The following CILK1 variants were observed in gnomAD, a reference collection of about 807,000 sequenced individuals.
CILK1 encodes serine/threonine-protein kinase ICK.
In CILK1, 47 loss-of-function variants were observed where a neutral mutation model predicts 79.2. That is an observed-to-expected ratio of 0.59 (90% CI 0.47 to 0.76). The LOEUF is 0.76. Among genes scored for constraint, CILK1 ranks in the 30% least tolerant of loss-of-function variants. CILK1 has a pLI of 0.00. For missense variants in CILK1, 660 were observed against 769.5 expected, an observed-to-expected ratio of 0.86 and a Z score of 1.68; for synonymous variants, 266 against 275.9, an observed-to-expected ratio of 0.96 and a Z score of 0.36.
At chr6:53,032,240 C>T (rs1045931681) in intron 4 of CILK1, among the ~76,000 whole-genome samples, 7 of 152,096 alleles carry the variant, frequency 4.6e-5, no homozygotes, top group Non-Finnish European at 1.0e-4. Flanking sequence ...ACCTAACTGG[C>T]AGCTTTCAAC....
At chr6:53,049,169 C>G (rs1767308023) in intron 1 of CILK1, among the ~76,000 whole-genome samples, 1 of 152,332 alleles carries the variant, frequency 6.6e-6, no homozygotes, top group Admixed American at 6.5e-5. Flanking sequence ...AATTGAAGGT[C>G]TCTGTTGAAG....
intron 5 of CILK1, among the ~76,000 whole-genome samples, chr6:53,022,545 G>A (rs1765312573): frequency 6.6e-6 from 1 of 152,104 alleles, no homozygotes; most frequent in Non-Finnish European, 1.5e-5. Flanking sequence ...CTAAGTAAGT[G>A]TACTCTATGA....
chr6:53,006,944 T>A (rs898352509), intron 12 of CILK1, among the ~76,000 whole-genome samples: 6 of 152,284 alleles, frequency 3.9e-5, no homozygotes, highest in African/African-American at 1.4e-4. Flanking sequence ...ATCAGAAAAA[T>A]TAACCATTTT....
rs138942257 is a variant in CILK1, at chr6:53,005,266, C to T, written c.1782G>A (p.Gly594=). 5.6e-5 allele frequency: 91 copies of T among 1,614,026 alleles called. No homozygotes were observed. Among genetic ancestry groups the T allele is most frequent in the Non-Finnish European group, 7.3e-5 (86 of 1,180,042 alleles). The part of the protein sequence containing the change: ...SSLKAMRPHP[G]RPFFHTQPRS... ...TAGGCTGGGTGTGGAAGAATGGTCG[C>T]CCAGGATGAGGTCTCATGGCCTTCA... The change falls in exon 14 of 14, where the codon GGG becomes GGA. Residue 594 remains glycine, a synonymous_variant. Coordinates refer to ENST00000676107, the MANE Select transcript of CILK1 (RefSeq NM_014920.5).
chr6:53,018,340 G>A lies in CILK1; in HGVS notation c.653C>T (p.Thr218Ile), dbSNP rs774694542. The A allele has an allele frequency of 1.3e-5, 21 of 1,613,916 alleles. 1 individual carries two copies. The highest frequency in any genetic ancestry group is 1.7e-5 in the Non-Finnish European group (20 of 1,179,980). ...GTTTTGTATCATTACCTTTTTTGGT[G>A]TCCCCAGCACTTGGCAAATTTTGAA... Reference protein sequence around the residue: ...TIFKICQVLGTPKKTDWPEGY... With the variant: ...TIFKICQVLGIPKKTDWPEGY... Residue 218 changes from threonine (T) to isoleucine (I), a missense_variant, in exon 7 of 14, where the codon ACA becomes ATA. Physicochemically the swap from Thr to Ile is moderately conservative, Grantham distance 89. Transcript: ENST00000676107.
Position 53,009,489 on chromosome 6 carries a change from A to T in CILK1, c.1571T>A (p.Leu524Ter). ...CATTGTCCCTGAAGATTTTCCAGAC[A>T]AGCCAGAACTAGACCATGGATTAGG... ...IPPNPWSSSG[L>*]SGKSSGTMSV... is the part of the protein sequence containing the mutation. Residue 524 changes from leucine to a stop codon, truncating the protein, a stop_gained, in exon 12 of 14, where the codon TTG becomes TAG. Transcript: ENST00000676107. LOFTEE classifies it high-confidence loss of function. 1 of 1,613,770 alleles carries T rather than the reference A, an allele frequency of 6.2e-7. No homozygotes were observed. Among genetic ancestry groups the T allele is most frequent in the African/African-American group, 1.3e-5 (1 of 75,048 alleles).
chr6:53,015,046 T>C (rs1003232505), intron 8 of CILK1, among the ~76,000 whole-genome samples: 15 of 152,230 alleles, frequency 9.9e-5, no homozygotes, highest in African/African-American at 3.4e-4. Context: ...AGTTCTTTTT[T>C]CCTTGAGCTT....
chr6:53,018,185 C>T (rs1581696473), intron 7 of CILK1, 145 bp downstream of exon 7: 7 of 785,328 alleles, frequency 8.9e-6, no homozygotes, highest in Admixed American at 1.8e-5. Flanking sequence ...TATCTGAGAA[C>T]GTGGGCAGTG....
intron 12 of CILK1, among the ~76,000 whole-genome samples, chr6:53,006,680 G>C (rs951124848): frequency 6.6e-6 from 1 of 152,144 alleles, no homozygotes; most frequent in African/African-American, 2.4e-5. Context: ...TGGGTTGGTT[G>C]TGAAATTTTT....
chr6:53,019,446 T>G, intron 5 of CILK1, 87 bp from the exon 6 acceptor site: 1 of 1,463,334 alleles, frequency 6.8e-7, no homozygotes, highest in Non-Finnish European at 9.4e-7. Flanking sequence ...GCAAAATAGT[T>G]ATAATTTAAA....
At chr6:53,007,427 A>T (rs1201058823) in intron 12 of CILK1, among the ~76,000 whole-genome samples, 1 of 152,226 alleles carries the variant, frequency 6.6e-6, no homozygotes, top group Non-Finnish European at 1.5e-5. Flanking sequence ...CAATAAACAC[A>T]AGAAAAGATG....
intron 1 of CILK1, among the ~76,000 whole-genome samples, chr6:53,051,213 TG>T (rs1254115428): frequency 6.6e-6 from 1 of 152,256 alleles, no homozygotes; most frequent in East Asian, 1.9e-4. Context: ...TAATTTTTCT[TG>T]TTAAGGACAT....
At chr6:53,054,922 G>A (rs558150958) in intron 1 of CILK1, among the ~76,000 whole-genome samples, 1 of 152,296 alleles carries the variant, frequency 6.6e-6, no homozygotes, top group African/African-American at 2.4e-5. Flanking sequence ...CCTAAAAAAT[G>A]GAGGCGAGGG....
intron 5 of CILK1, among the ~76,000 whole-genome samples, chr6:53,027,684 C>T (rs929091560): frequency 6.6e-6 from 1 of 152,206 alleles, no homozygotes; most frequent in Admixed American, 6.5e-5. Flanking sequence ...AACCATTAGA[C>T]AATTTCTAAA....
At chr6:53,051,035 T>C (rs1767446690) in intron 1 of CILK1, among the ~76,000 whole-genome samples, 1 of 151,970 alleles carries the variant, frequency 6.6e-6, no homozygotes, top group Non-Finnish European at 1.5e-5. Context: ...CTCACGCAGT[T>C]GGAGAGGTGG....
intron 5 of CILK1, among the ~76,000 whole-genome samples, chr6:53,029,690 A>C (rs1205313510): frequency 1.3e-5 from 2 of 152,166 alleles, no homozygotes; most frequent in African/African-American, 2.4e-5. Flanking sequence ...CCAGGAGTCC[A>C]AGGCCAGCCT....
At chr6:53,029,895 T>C (rs979973080) in intron 5 of CILK1, among the ~76,000 whole-genome samples, 1 of 152,218 alleles carries the variant, frequency 6.6e-6, no homozygotes, top group Admixed American at 6.5e-5. Context: ...CATCTGTCTG[T>C]ATATTACAAT....
At chr6:53,007,940 AAAAT>A (rs904206046) in intron 12 of CILK1, among the ~76,000 whole-genome samples, 1 of 151,498 alleles carries the variant, frequency 6.6e-6, no homozygotes, top group Non-Finnish European at 1.5e-5. Context: ...ACTGCGTCTT[AAAAT>A]AAATAAATAA....
intron 11 of CILK1, among the ~76,000 whole-genome samples, chr6:53,010,752 G>A (rs1315158698): frequency 6.6e-6 from 1 of 152,176 alleles, no homozygotes; most frequent in Non-Finnish European, 1.5e-5. Context: ...TATTCAGAGA[G>A]GCCTTACCTG....
Sources: allele counts gnomAD v4.1 joint callset (sites outside exome capture counted in the v4.1 genomes callset), GRCh38; gene constraint gnomAD v4.1.1; transcripts MANE v1.5; gene names NCBI Gene and HGNC (gene_info 2026-07-23, HGNC 2026-07-21).